PHACTR1: variants seen among roughly 807,000 people sequenced by gnomAD.
PHACTR1 encodes RPEL repeat containing 1.
A neutral mutation model predicts 69.2 loss-of-function variants in PHACTR1; 16 were observed. The observed-to-expected ratio is 0.23, with a 90% confidence interval of 0.16 to 0.35. The LOEUF (loss-of-function observed/expected upper bound fraction) is 0.35. PHACTR1 is among the 10% of genes least tolerant of loss of function. The pLI, the probability that PHACTR1 is intolerant of heterozygous loss-of-function variation, is 1.00. For missense variants in PHACTR1, 510 were observed against 734.7 expected (o/e 0.69, Z 3.54); for synonymous variants, 312 against 284.5 (o/e 1.10, Z -0.97).
intron 4 of PHACTR1, among the ~76,000 whole-genome samples, chr6:12,855,055 A>G (rs543357507): frequency 4.6e-5 from 7 of 152,228 alleles, no homozygotes; most frequent in Non-Finnish European, 8.8e-5. Context: ...CTCAAAGGAA[A>G]TTAATCATTC....
Position 13,214,773 on chromosome 6 carries a change from G to T in PHACTR1, c.986+8637G>T, listed in dbSNP as rs149865913. The stretch of plus-strand genomic sequence containing the variant: ...GAAATCTCTGAGTTTGATCTAAAAA[G>T]GCTAAATATGAATGAGTTTTTGTTA... On this transcript the variant is annotated intron_variant, in intron 8 of 14. Transcript: ENST00000332995. Among the ~76,000 whole-genome samples, 339 of 152,228 alleles carry T rather than the reference G, an allele frequency of 2.2e-3. 3 individuals carry two copies. Among genetic ancestry groups the T allele is most frequent in the Non-Finnish European group, 4.0e-3 (274 of 68,016 alleles).
chr6:13,275,277 G>C lies in PHACTR1; in HGVS notation c.1447+2362G>C, dbSNP rs1405990131. 6.6e-6 allele frequency: 1 copy of C among 152,332 alleles called. No individual in the cohort carries two copies. Among genetic ancestry groups the C allele is most frequent in the Non-Finnish European group, 1.5e-5 (1 of 68,140 alleles). 9.4% of individuals were successfully genotyped at this position (152,332 alleles called of 1,614,324 possible). A position where few individuals can be genotyped will look rare whatever the true frequency, so the allele number is the denominator to read the frequency against. On this transcript the variant is annotated intron_variant, in intron 11 of 14. Coordinates refer to ENST00000332995, the MANE Select transcript of PHACTR1 (RefSeq NM_030948.6). This position sits in a 1 kb window ranked among gnomAD's most constrained non-coding sequence, Gnocchi z 4.0. ...CCCTGTGCACCTCTGAGCACATAAT[G>C]AACCCTCTGACGGTGGCAGCTGTAA...
chr6:13,214,485 T>C lies in PHACTR1; in HGVS notation c.986+8349T>C, dbSNP rs76953208. On this transcript the variant is annotated intron_variant, in intron 8 of 14. Transcript: ENST00000332995. ...TCTCTTGGAGCAAATCCTTCATGAATGATAAAATGGGAGAGGGGTCATCAT... is the reference window on the plus strand; with the variant it reads ...TCTCTTGGAGCAAATCCTTCATGAACGATAAAATGGGAGAGGGGTCATCAT... Among the ~76,000 whole-genome samples the C allele has an allele frequency of 5.4e-3, 817 of 152,292 alleles. 5 individuals are homozygous for C. The highest frequency in any genetic ancestry group is 0.019 in the African/African-American group (772 of 41,568).
At chr6:13,049,271 C>T (rs1231103995) in intron 4 of PHACTR1, among the ~76,000 whole-genome samples, 2 of 151,568 alleles carry the variant, frequency 1.3e-5, no homozygotes, top group Non-Finnish European at 2.9e-5. Flanking sequence ...AGACAAGTAA[C>T]GATACATATT....
chr6:13,064,855 A>G (rs548455630), intron 5 of PHACTR1, among the ~76,000 whole-genome samples: 8 of 151,748 alleles, frequency 5.3e-5, no homozygotes, highest in East Asian at 2.0e-4. Flanking sequence ...GTGATTGTCT[A>G]TTGTTTTTCA....
At chr6:13,207,294 G>T (rs1766082303) in intron 8 of PHACTR1, among the ~76,000 whole-genome samples, 1 of 152,154 alleles carries the variant, frequency 6.6e-6, no homozygotes, top group South Asian at 2.1e-4. Context: ...ATGAGGACTG[G>T]CAGGTGTTGG....
intron 4 of PHACTR1, among the ~76,000 whole-genome samples, chr6:12,948,877 G>C (rs895221647): frequency 2.0e-5 from 3 of 152,022 alleles, no homozygotes; most frequent in African/African-American, 7.2e-5. Context: ...GTTTTTCTTT[G>C]TTTGTGTGGA....
intron 4 of PHACTR1, among the ~76,000 whole-genome samples, chr6:12,948,756 A>G (rs749079960): frequency 1.2e-4 from 19 of 152,192 alleles, no homozygotes; most frequent in Non-Finnish European, 1.9e-4. Context: ...TGTGTTCATC[A>G]TCTACATTTC....
chr6:13,035,583 TATGATGA>T (rs1441863672), intron 4 of PHACTR1, among the ~76,000 whole-genome samples: 1 of 152,220 alleles, frequency 6.6e-6, no homozygotes, highest in Non-Finnish European at 1.5e-5. Context: ...AGTATTATTT[TATGATGA>T]ATTATAATAC....
intron 7 of PHACTR1, among the ~76,000 whole-genome samples, chr6:13,200,085 TG>T (rs1764998428): frequency 6.6e-6 from 1 of 152,248 alleles, no homozygotes; most frequent in Non-Finnish European, 1.5e-5. Flanking sequence ...GTCCAGATGC[TG>T]GATGGAACTG....
At chr6:13,068,617 A>G (rs568679094) in intron 5 of PHACTR1, among the ~76,000 whole-genome samples, 1 of 152,196 alleles carries the variant, frequency 6.6e-6, no homozygotes, top group Non-Finnish European at 1.5e-5. Flanking sequence ...GACACGTTGT[A>G]CAATTCCACA....
chr6:13,062,807 A>G (rs1047949086), intron 5 of PHACTR1, among the ~76,000 whole-genome samples: 4 of 152,214 alleles, frequency 2.6e-5, no homozygotes, highest in African/African-American at 9.6e-5. Context: ...TATTGTTGGT[A>G]AAGGGAAACA....
chr6:12,934,751 G>A (rs771787844), intron 4 of PHACTR1, among the ~76,000 whole-genome samples: 27 of 152,032 alleles, frequency 1.8e-4, no homozygotes, highest in Non-Finnish European at 3.2e-4. Context: ...CAGGAGAATC[G>A]CTTGAGCCTG....
At chr6:13,141,582 G>A (rs147574001) in intron 5 of PHACTR1, among the ~76,000 whole-genome samples, 27 of 152,226 alleles carry the variant, frequency 1.8e-4, no homozygotes, top group African/African-American at 4.3e-4. Flanking sequence ...TTCCTGCCCT[G>A]TCTCGCTGCC....
chr6:12,783,348 TA>T (rs995541750), intron 4 of PHACTR1, among the ~76,000 whole-genome samples: 3 of 152,204 alleles, frequency 2.0e-5, no homozygotes, highest in East Asian at 1.9e-4. Context: ...TGCCTTTCAT[TA>T]AAAAAAATTG....
In PHACTR1 at chr6:12,893,030, C is replaced by T. The variant is rs115896378; in HGVS notation, c.250+143240C>T. On this transcript the variant is annotated intron_variant, in intron 4 of 14. Transcript: ENST00000332995. ...AGAGAGAGAAAGCACACAGTCTTGG[C>T]AATATAGTGTCCAGGCAACACTCGA... is the stretch of plus-strand genomic sequence containing the variant. Among the ~76,000 whole-genome samples, 1,415 of 152,184 alleles carry T rather than the reference C, an allele frequency of 9.3e-3. 33 individuals are homozygous for T. In the South Asian group the frequency reaches 0.1, roughly 11 times the overall value.
chr6:13,143,070 A>G (rs1822753685), intron 5 of PHACTR1, among the ~76,000 whole-genome samples: 1 of 152,220 alleles, frequency 6.6e-6, no homozygotes, highest in Non-Finnish European at 1.5e-5. Context: ...GGAGAGCTAA[A>G]AATTTCAACA....
chr6:13,284,548 A>ATATATATATATATATAGATACACG (rs1484288439), intron 13 of PHACTR1, among the ~76,000 whole-genome samples: 13 of 85,040 alleles, frequency 1.5e-4, no homozygotes, highest in African/African-American at 8.2e-4. Flanking sequence ...AAAAAAATAT[A>ATATATATATATATATAGATACACG]TATATATATA....
At chr6:13,201,859 A>G (rs1150594) in intron 7 of PHACTR1, among the ~76,000 whole-genome samples, 122,183 of 152,216 alleles carry the variant, frequency 0.8, 49,465 homozygotes, top group East Asian at 0.96. Flanking sequence ...CCACAATTTT[A>G]GGGAAAGATA....
Sources: gnomAD v4.1 joint callset for allele counts (sites outside exome capture counted in the v4.1 genomes callset) on GRCh38, gnomAD v4.1.1 for gene constraint, Gnocchi (gnomAD v3.1) non-coding constraint, MANE v1.5 for transcripts, NCBI Gene and HGNC (gene_info 2026-07-23, HGNC 2026-07-21) for gene names.